Variants in DEUP1 observed in about 807,000 individuals in gnomAD.
The protein encoded by DEUP1 is coiled-coil domain containing 67.
DEUP1 carries 82 observed loss-of-function variants against 87.4 expected under a neutral mutation model. That is an observed-to-expected ratio of 0.94 (90% CI 0.78 to 1.13). The LOEUF is 1.13. Among genes scored for constraint, DEUP1 ranks in the 50% most tolerant of loss-of-function variants. DEUP1 has a pLI of 0.00. For missense variants in DEUP1, 663 were observed against 681.5 expected, an observed-to-expected ratio of 0.97 and a Z score of 0.30; for synonymous variants, 214 against 222.7, an observed-to-expected ratio of 0.96 and a Z score of 0.35.
At chr11:93,354,797 G>T (rs947256777) in intron 2 of DEUP1, among the ~76,000 whole-genome samples, 1 of 152,146 alleles carries the variant, frequency 6.6e-6, no homozygotes, top group South Asian at 2.1e-4. Flanking sequence ...CCCATAACAT[G>T]TGGGAATTCT....
In DEUP1 at chr11:93,428,348, A is replaced by G. The variant is rs186084840; in HGVS notation, c.1639-9195A>G. On this transcript the variant is annotated intron_variant, in intron 13 of 13. Transcript: ENST00000298050. ...TTCTCAGCAAACTATCTCAAGAACA[A>G]AAAACCAAACACCACATGTTCTCAC... Among the ~76,000 whole-genome samples, 745 of 152,100 alleles carry G rather than the reference A, an allele frequency of 4.9e-3. 4 individuals are homozygous for G. The highest frequency in any genetic ancestry group is 9.9e-3 in the East Asian group (51 of 5,154).
rs7926555 is a variant in DEUP1, at chr11:93,420,419, C to A, written c.1638+5305C>A. ...GTATTCATGGGACGTATCTCAAAAT[C>A]ATAAGAGCTATCTATGACAAACCCA... On this transcript the variant is annotated intron_variant, in intron 13 of 13. Transcript: ENST00000298050. Among the ~76,000 whole-genome samples the A allele has an allele frequency of 9.6e-3, 1,455 of 151,906 alleles. 21 individuals carry two copies. The highest frequency in any genetic ancestry group is 0.033 in the African/African-American group (1,366 of 41,416).
chr11:93,335,190 A>C (rs765483991), intron 2 of DEUP1, among the ~76,000 whole-genome samples: 1 of 144,434 alleles, frequency 6.9e-6, no homozygotes, highest in Non-Finnish European at 1.6e-5. Context: ...TGTAATTTCA[A>C]GGGGCATTTA....
At chr11:93,367,444 A>G (rs533643894) in intron 5 of DEUP1, among the ~76,000 whole-genome samples, 11 of 152,318 alleles carry the variant, frequency 7.2e-5, no homozygotes, top group African/African-American at 2.4e-4. Context: ...CACTCTGACT[A>G]TAATGAACTG....
intron 2 of DEUP1, among the ~76,000 whole-genome samples, chr11:93,354,491 A>G (rs1267454540): frequency 1.3e-5 from 2 of 151,968 alleles, no homozygotes; most frequent in Admixed American, 6.6e-5. Context: ...GCCCCACTCT[A>G]CTGGTACCAA....
intron 8 of DEUP1, among the ~76,000 whole-genome samples, chr11:93,387,615 T>G (rs1946622225): frequency 6.6e-6 from 1 of 152,128 alleles, no homozygotes; most frequent in African/African-American, 2.4e-5. Context: ...ACATTGGAGT[T>G]TGACATTTGT....
intron 13 of DEUP1, among the ~76,000 whole-genome samples, chr11:93,428,694 C>A (rs1258345893): frequency 6.6e-6 from 1 of 152,116 alleles, no homozygotes; most frequent in Non-Finnish European, 1.5e-5. Context: ...GCCATAATCA[C>A]AATCTAATTT....
At chr11:93,430,358 T>A (rs759409407) in intron 13 of DEUP1, among the ~76,000 whole-genome samples, 21 of 152,052 alleles carry the variant, frequency 1.4e-4, no homozygotes, top group Non-Finnish European at 2.8e-4. Flanking sequence ...GAATGGATAA[T>A]CAGATTGTGA....
In DEUP1 at chr11:93,356,121, A is replaced by G. The variant is rs78923581; in HGVS notation, c.201+579A>G. Among the ~76,000 whole-genome samples the G allele has an allele frequency of 6.6e-3, 1,001 of 152,328 alleles. 7 individuals are homozygous for G. The highest frequency in any genetic ancestry group is 0.023 in the African/African-American group (945 of 41,568). ...GCCTGCGAAGGCATTCAGGAAAACCATATGCTTTATTTGATGTGGACTTTG... is the reference window on the plus strand; with the variant it reads ...GCCTGCGAAGGCATTCAGGAAAACCGTATGCTTTATTTGATGTGGACTTTG... On this transcript the variant is annotated intron_variant, in intron 3 of 13. Transcript: ENST00000298050.
chr11:93,386,896 G>A (rs531929627), intron 8 of DEUP1, among the ~76,000 whole-genome samples: 1 of 152,270 alleles, frequency 6.6e-6, no homozygotes, highest in East Asian at 1.9e-4. Context: ...CCCATGTCTA[G>A]CTCTGGCTTT....
chr11:93,368,030 G>A (rs989122904), intron 5 of DEUP1, among the ~76,000 whole-genome samples: 4 of 152,166 alleles, frequency 2.6e-5, no homozygotes, highest in Non-Finnish European at 5.9e-5. Flanking sequence ...GAGAAGCAGC[G>A]ATGTCTTCTT....
intron 12 of DEUP1, among the ~76,000 whole-genome samples, chr11:93,411,688 G>A (rs536871465): frequency 3.3e-5 from 5 of 152,128 alleles, no homozygotes; most frequent in Non-Finnish European, 5.9e-5. Flanking sequence ...GGTATCCAGA[G>A]CTATTAATAT....
At chr11:93,346,496 G>A (rs1944356050) in intron 2 of DEUP1, among the ~76,000 whole-genome samples, 1 of 152,092 alleles carries the variant, frequency 6.6e-6, no homozygotes, top group Admixed American at 6.5e-5. Flanking sequence ...CAAAGTATTG[G>A]GATTACAGGT....
At chr11:93,372,753 T>C (rs1441300321) in intron 7 of DEUP1, among the ~76,000 whole-genome samples, 1 of 152,140 alleles carries the variant, frequency 6.6e-6, no homozygotes, top group Non-Finnish European at 1.5e-5. Context: ...TGTAAACCAA[T>C]AAAGAAAGCT....
intron 13 of DEUP1, among the ~76,000 whole-genome samples, chr11:93,428,137 C>A (rs1947988167): frequency 6.6e-6 from 1 of 152,100 alleles, no homozygotes; most frequent in Non-Finnish European, 1.5e-5. Flanking sequence ...TATAAAGACA[C>A]ATGCACATGT....
intron 2 of DEUP1, among the ~76,000 whole-genome samples, chr11:93,341,694 C>A (rs1944086811): frequency 6.6e-6 from 1 of 152,134 alleles, no homozygotes. Flanking sequence ...TGCACACCAG[C>A]CCGGATGACA....
rs996419739 is a variant in DEUP1 at position 93,417,980 on chromosome 11, G to A, written c.1638+2866G>A. Among the ~76,000 whole-genome samples, 11 of 151,630 alleles carry A rather than the reference G, an allele frequency of 7.3e-5. No homozygotes were observed. The South Asian group carries it at 1.9e-3, about 26-fold the overall frequency. ...TGCTGGGAAAACTGGCTAGCCATAT[G>A]TAGAAAGCTGAAACTGGATCCCTTC... On this transcript the variant is annotated intron_variant, in intron 13 of 13. Coordinates refer to ENST00000298050, the MANE Select transcript of DEUP1 (RefSeq NM_181645.4).
intron 7 of DEUP1, among the ~76,000 whole-genome samples, chr11:93,376,352 G>A (rs929696974): frequency 2.0e-5 from 3 of 152,044 alleles, no homozygotes; most frequent in African/African-American, 4.8e-5. Flanking sequence ...ACTCTGGGAG[G>A]GTTGTATATT....
At chr11:93,383,422 A>G (rs918259350) in intron 7 of DEUP1, 1 of 453,494 alleles carries the variant, frequency 2.2e-6, no homozygotes, top group Admixed American at 3.8e-5. Context: ...AGGCAATTCC[A>G]TAGAGATAGA....
Sources: gnomAD v4.1 joint callset for allele counts (sites outside exome capture counted in the v4.1 genomes callset) on GRCh38, gnomAD v4.1.1 for gene constraint, MANE v1.5 for transcripts, NCBI Gene and HGNC (gene_info 2026-07-23, HGNC 2026-07-21) for gene names.